NCOR1: variants seen among roughly 807,000 people sequenced by gnomAD.
NCOR1 encodes protein phosphatase 1, regulatory subunit 109.
A neutral mutation model predicts 288.1 loss-of-function variants in NCOR1; 63 were observed. The ratio of observed to expected loss-of-function variants is 0.22; its 90% CI spans 0.18 to 0.27. The LOEUF is 0.27. NCOR1 is among the 10% of genes least tolerant of loss of function. The pLI is 1.00. For missense variants in NCOR1, 2,397 were observed against 3,019.2 expected (o/e 0.79, Z 4.83); for synonymous variants, 1,007 against 1,065.9 (o/e 0.94, Z 1.08).
At chr17:16,140,913 C>T (rs895954425) in intron 11 of NCOR1, among the ~76,000 whole-genome samples, 7 of 151,178 alleles carry the variant, frequency 4.6e-5, no homozygotes, top group African/African-American at 1.7e-4. Context: ...ATCACTTGAG[C>T]CCGGGAGGTG....
intron 45 of NCOR1, 121 bp downstream of exon 45, chr17:16,034,644 G>T: frequency 2.3e-6 from 2 of 885,716 alleles, no homozygotes; most frequent in Non-Finnish European, 3.5e-6. Context: ...ACATATTAAT[G>T]ATACAGAAAT....
rs1342801667 is a variant in NCOR1 at position 16,071,604 on chromosome 17, T to C, written c.3957A>G (p.Lys1319=). The C allele has an allele frequency of 1.2e-6, 2 of 1,614,124 alleles. No homozygotes were observed. ...ATGCTCGTATGGGAGGACTTTCCCT[T>C]TTAATTTGTTTGGGATATTTAAGGC... ...EDGLKYPKQI[K]RESPPIRAFE... Residue 1319 remains lysine (K), a synonymous_variant, in exon 30 of 46, where the codon AAA becomes AAG. Coordinates refer to ENST00000268712, the MANE Select transcript of NCOR1 (RefSeq NM_006311.4).
rs1971902959 is a variant in NCOR1, at chr17:16,031,115, C to A, written c.*1181G>T. ...TACCATAATTAGTTTAGAATTCAGTCTTTTAAATTATTTGCACCTTGAGAC... is the reference window on the plus strand; with the variant it reads ...TACCATAATTAGTTTAGAATTCAGTATTTTAAATTATTTGCACCTTGAGAC... On this transcript the variant is annotated 3_prime_UTR_variant, in exon 46 of 46. Transcript: ENST00000268712. 5.2e-6 allele frequency: 1 copy of A among 192,980 alleles called. No individual in the cohort carries two copies. Among genetic ancestry groups the A allele is most frequent in the African/African-American group, 2.3e-5 (1 of 43,136 alleles). 12.0% of individuals were successfully genotyped at this position (192,980 alleles called of 1,614,324 possible).
At chr17:16,101,856 T>C in intron 19 of NCOR1, 99 bp from the exon 20 acceptor site, 1 of 1,436,602 alleles carries the variant, frequency 7.0e-7, no homozygotes, top group South Asian at 1.4e-5. Flanking sequence ...ATGTTTCAGG[T>C]GGTGATAGAA....
At chr17:16,126,383 G>A (rs1187066513) in intron 14 of NCOR1, among the ~76,000 whole-genome samples, 177 bp from the exon 15 acceptor site, 1 of 151,948 alleles carries the variant, frequency 6.6e-6, no homozygotes, top group Non-Finnish European at 1.5e-5. Context: ...TATATGTACT[G>A]CTTGAAGGGT....
intron 5 of NCOR1, among the ~76,000 whole-genome samples, chr17:16,159,483 T>C (rs2080395952): frequency 6.6e-6 from 1 of 150,928 alleles, no homozygotes; most frequent in Admixed American, 6.6e-5. Context: ...AGAAGTTAAA[T>C]TTAATGAAGG....
Position 16,029,872 on chromosome 17 carries a change from C to A in NCOR1, c.*2424G>T, listed in dbSNP as rs1029121774. ...TGATGAGGATGGAGGGAGTGGTTCA[C>A]AGCACCTCACCTTCGGGTCCTCAGG... On this transcript the variant is annotated 3_prime_UTR_variant, in exon 46 of 46. Transcript: ENST00000268712. The A allele has an allele frequency of 6.5e-6, 1 of 152,926 alleles. No individual in the cohort carries two copies. Among genetic ancestry groups the A allele is most frequent in the Non-Finnish European group, 1.5e-5 (1 of 68,474 alleles). 9.5% of individuals were successfully genotyped at this position (152,926 alleles called of 1,614,324 possible). A position where few individuals can be genotyped will look rare whatever the true frequency, so the allele number is the denominator to read the frequency against.
In NCOR1 at chr17:16,149,477, T is replaced by G; in HGVS notation, c.883A>C (p.Arg295=). The G allele has an allele frequency of 6.4e-7, 1 of 1,566,180 alleles. No individual in the cohort carries two copies. Among genetic ancestry groups the G allele is most frequent in the East Asian group, 2.3e-5 (1 of 42,930 alleles). Residue 295 remains arginine, a synonymous_variant, in exon 9 of 46, where the codon AGA becomes CGA. Transcript: ENST00000268712. The stretch of plus-strand genomic sequence containing the variant: ...CTTTGTTTTCTTGCATGATTTCTTC[T>G]TTTAAAAAATAAAATGAGTTTTTTC... The part of the protein sequence containing the change: ...MRKKLILFFK[R]RNHARKQREQ...
intron 1 of NCOR1, among the ~76,000 whole-genome samples, chr17:16,195,844 G>GATT (rs1250939579): frequency 6.6e-6 from 1 of 151,934 alleles, no homozygotes; most frequent in East Asian, 1.9e-4. Context: ...CCTAAAACAT[G>GATT]ATTATCTATG....
chr17:16,091,743 G>C, intron 22 of NCOR1, 120 bp downstream of exon 22: 5 of 1,541,950 alleles, frequency 3.2e-6, no homozygotes, highest in Non-Finnish European at 4.4e-6. Context: ...GTGTCTGTTA[G>C]GACAAATATA....
At chr17:16,051,168 T>C (rs1250191775) in intron 40 of NCOR1, among the ~76,000 whole-genome samples, 1 of 152,210 alleles carries the variant, frequency 6.6e-6, no homozygotes, top group African/African-American at 2.4e-5. Context: ...ATTTTGCCTT[T>C]ACATAGCATA....
In NCOR1 at chr17:16,127,266, T is replaced by C. The variant is rs1347212180; in HGVS notation, c.1510-1060A>G. 2.1e-4 allele frequency among the ~76,000 whole-genome samples: 22 copies of C among 104,590 alleles called. 4 individuals are homozygous for C. The highest frequency in any genetic ancestry group is 6.7e-4 in the African/African-American group (20 of 29,802). The allele number at this position is 104,590 out of a possible 152,430, so 68.6% of individuals were successfully genotyped here. On this transcript the variant is annotated intron_variant, in intron 14 of 45. Coordinates refer to ENST00000268712, the MANE Select transcript of NCOR1 (RefSeq NM_006311.4). The stretch of plus-strand genomic sequence containing the variant: ...ATGTATGTATATATGTGTGTGTATA[T>C]ATGTATGTATATATACGTGTATATA...
At chr17:16,152,151 TTTAC>T (rs750351994) in intron 7 of NCOR1, among the ~76,000 whole-genome samples, 153 bp from the exon 8 acceptor site, 19 of 152,210 alleles carry the variant, frequency 1.2e-4, no homozygotes, top group Non-Finnish European at 2.5e-4. Flanking sequence ...TATTTTTTTA[TTTAC>T]TTATTTTTTT....
intron 3 of NCOR1, among the ~76,000 whole-genome samples, chr17:16,180,747 C>CA (rs770926684): frequency 1.3e-4 from 20 of 150,492 alleles, no homozygotes; most frequent in East Asian, 3.9e-4. Context: ...GACCCTATCT[C>CA]AAAAAAAAAG....
chr17:16,127,201 GTA>G lies in NCOR1; in HGVS notation c.1510-997_1510-996del, dbSNP rs2074278063. 1.4e-5 allele frequency among the ~76,000 whole-genome samples: 2 copies of G among 144,518 alleles called. 1 individual carries two copies. Among genetic ancestry groups the G allele is most frequent in the African/African-American group, 5.4e-5 (2 of 37,046 alleles). 94.8% of individuals were successfully genotyped at this position (144,518 alleles called of 152,430 possible). The stretch of plus-strand genomic sequence containing the variant: ...TATATATCTGTATGTATATATACAT[GTA>G]TGTATATATCTGTATGTATATATAC... On this transcript the variant is annotated intron_variant, in intron 14 of 45. Coordinates refer to ENST00000268712, the MANE Select transcript of NCOR1 (RefSeq NM_006311.4).
intron 3 of NCOR1, among the ~76,000 whole-genome samples, chr17:16,177,868 AC>A (rs2084547641): frequency 6.6e-6 from 1 of 152,212 alleles, no homozygotes; most frequent in Non-Finnish European, 1.5e-5. Context: ...CTAGGATTTC[AC>A]TAACTTACTT....
At chr17:16,050,845 T>A in intron 40 of NCOR1, among the ~76,000 whole-genome samples, 1 of 151,712 alleles carries the variant, frequency 6.6e-6, no homozygotes, top group Non-Finnish European at 1.5e-5. Flanking sequence ...TTTTTATTTT[T>A]ATTTTTGAGA....
At position 16,080,398 on chromosome 17, in the gene NCOR1, CA is replaced by C; in HGVS notation, c.3400+9del. 6.3e-7 allele frequency: 1 copy of C among 1,599,558 alleles called. No individual in the cohort carries two copies. Among genetic ancestry groups the C allele is most frequent in the Non-Finnish European group, 8.5e-7 (1 of 1,171,078 alleles). On this transcript the variant is annotated intron_variant, in intron 25 of 45. Transcript: ENST00000268712. ...AAAGTTTAACATTTCTGCCAACCAG[CA>C]TATTTTACCTCTGACTACACCTTCA...
chr17:16,164,985 CT>C lies in NCOR1; in HGVS notation c.611del (p.Lys204ArgfsTer81). The stretch of plus-strand genomic sequence containing the variant: ...ATTAAGCAAAGACATTTACTTGTTT[CT>C]TTTTCAGTTTAAGGATCTGCTGTTC... The part of the protein sequence containing the change: ...KVEQQILKLK[K>X]KQQQLEEEAA... On this transcript the variant is annotated frameshift_variant, in exon 5 of 46. Coordinates refer to ENST00000268712, the MANE Select transcript of NCOR1 (RefSeq NM_006311.4). LOFTEE classifies it high-confidence loss of function. The C allele has an allele frequency of 6.4e-7, 1 of 1,574,796 alleles. No individual in the cohort carries two copies. Among genetic ancestry groups the C allele is most frequent in the Non-Finnish European group, 8.6e-7 (1 of 1,163,264 alleles).
Sources: allele counts gnomAD v4.1 joint callset (sites outside exome capture counted in the v4.1 genomes callset), GRCh38; gene constraint gnomAD v4.1.1; transcripts MANE v1.5; gene names NCBI Gene and HGNC (gene_info 2026-07-23, HGNC 2026-07-21).